The following FLT3 variants were observed in gnomAD, a reference collection of about 807,000 sequenced individuals.
The protein encoded by FLT3 is receptor-type tyrosine-protein kinase FLT3.
FLT3 carries 46 observed loss-of-function variants against 126.6 expected under a neutral mutation model. That is an observed-to-expected ratio of 0.36 (90% CI 0.29 to 0.46). The LOEUF (loss-of-function observed/expected upper bound fraction) is 0.46. Among genes scored for constraint, FLT3 ranks in the 20% least tolerant of loss-of-function variants. The pLI is 1.00. For missense variants in FLT3, 1,069 were observed against 1,190.3 expected (o/e 0.90, Z 1.50); for synonymous variants, 404 against 434.4 (o/e 0.93, Z 0.87).
chr13:28,076,999 C>A (rs111641619), intron 1 of FLT3, among the ~76,000 whole-genome samples: 9,741 of 124,330 alleles, frequency 0.078, 1,256 homozygotes, highest in African/African-American at 0.29. Flanking sequence ...AAGAGACAGA[C>A]AGAAAGGAAG....
rs755845031 is a variant in FLT3 at position 28,048,335 on chromosome 13, G to A, written c.1145C>T (p.Thr382Met). The change falls in exon 9 of 24, where the codon ACG becomes ATG. Residue 382 changes from threonine (T) to methionine (M), a missense_variant. By Grantham distance (81) the Thr-to-Met change is moderately conservative. Coordinates refer to ENST00000241453, the MANE Select transcript of FLT3 (RefSeq NM_004119.3). Reference protein sequence around the residue: ...RFKAYPQIRCTWTFSRKSFPC... With the variant: ...RFKAYPQIRCMWTFSRKSFPC... Reference sequence around the variant, plus strand: ...AAATGATTTTCGAGAGAAGGTCCACGTACATCTGATTTGTGGGTAGGCTTT... The same window carrying A: ...AAATGATTTTCGAGAGAAGGTCCACATACATCTGATTTGTGGGTAGGCTTT... 2.7e-5 allele frequency: 44 copies of A among 1,613,728 alleles called. 1 individual carries two copies. The highest frequency in any genetic ancestry group is 2.5e-4 in the Admixed American group (15 of 59,998).
At chr13:28,079,306 G>A (rs189235530) in intron 1 of FLT3, among the ~76,000 whole-genome samples, 2 of 152,192 alleles carry the variant, frequency 1.3e-5, no homozygotes, top group Non-Finnish European at 2.9e-5. Context: ...GACCACCTCG[G>A]CTTGGACCTT....
chr13:28,062,635 A>T (rs1933434), intron 2 of FLT3, among the ~76,000 whole-genome samples: 146,126 of 151,460 alleles, frequency 0.96, 70,602 homozygotes, highest in East Asian at 1. Context: ...TCCCAGCTCC[A>T]CGGGAGGCTG....
At chr13:28,029,647 A>T (rs1873139080) in intron 15 of FLT3, among the ~76,000 whole-genome samples, 1 of 152,234 alleles carries the variant, frequency 6.6e-6, no homozygotes, top group Non-Finnish European at 1.5e-5. Context: ...CAGTGTCGTG[A>T]GCATGGTTGA....
rs568561523 is a variant in FLT3 at position 28,070,380 on chromosome 13, A to G, written c.165+111T>C. 1.5e-4 allele frequency: 125 copies of G among 841,852 alleles called. No homozygotes were observed. The African/African-American group carries it at 1.7e-3, about 11-fold the overall frequency. 52.1% of individuals were successfully genotyped at this position (841,852 alleles called of 1,614,324 possible). A position where few individuals can be genotyped will look rare whatever the true frequency, so the allele number is the denominator to read the frequency against. On this transcript the variant is annotated intron_variant, in intron 2 of 23. Transcript: ENST00000241453. Reference sequence around the variant, plus strand: ...TTGGTACCAGATGTGAGGCCATAATATACTTAAATACATAAAGAGAAGCCC... The same window carrying G: ...TTGGTACCAGATGTGAGGCCATAATGTACTTAAATACATAAAGAGAAGCCC...
chr13:28,053,938 T>A (rs962996030), intron 4 of FLT3, among the ~76,000 whole-genome samples: 7 of 152,134 alleles, frequency 4.6e-5, no homozygotes, highest in Non-Finnish European at 1.0e-4. Context: ...AGCCTCAACC[T>A]CCCAGGCTCA....
intron 9 of FLT3, among the ~76,000 whole-genome samples, chr13:28,044,306 TG>T (rs1328534449): frequency 6.6e-6 from 1 of 150,960 alleles, no homozygotes; most frequent in African/African-American, 2.4e-5. Flanking sequence ...AAAAAATAGC[TG>T]GGCAGGGTGG....
chr13:28,023,455 T>C lies in FLT3; in HGVS notation c.2313A>G (p.Gln771=). Residue 771 remains glutamine (Q), a synonymous_variant, in exon 19 of 24, where the codon CAA becomes CAG. Transcript: ENST00000241453. ...HSEDEIEYEN[Q]KRLEEEEDLN... ...AGTCCTCCTCTTCTTCCAGCCTTTT[T>C]TGGTTTTCATATTCAATTTCATCTG... The C allele has an allele frequency of 6.2e-7, 1 of 1,614,020 alleles. No homozygotes were observed. Among genetic ancestry groups the C allele is most frequent in the Non-Finnish European group, 8.5e-7 (1 of 1,179,966 alleles).
intron 1 of FLT3, among the ~76,000 whole-genome samples, chr13:28,085,915 C>A (rs1429665200): frequency 1.3e-5 from 2 of 151,962 alleles, no homozygotes; most frequent in African/African-American, 4.8e-5. Context: ...GAGTTTGAGA[C>A]CAGTCTGGGT....
At chr13:28,077,837 T>C (rs946614387) in intron 1 of FLT3, among the ~76,000 whole-genome samples, 28 of 152,112 alleles carry the variant, frequency 1.8e-4, no homozygotes, top group African/African-American at 6.5e-4. Flanking sequence ...GGTACAGGCA[T>C]TGGGTAAATA....
intron 23 of FLT3, 51 bp from the exon 24 acceptor site, chr13:28,004,225 CAT>C (rs777797916): frequency 2.5e-5 from 39 of 1,574,714 alleles, no homozygotes; most frequent in African/African-American, 1.2e-4. Flanking sequence ...TGTAGATGCA[CAT>C]GTTATGCGCC....
rs1482823196 is a variant in FLT3, at chr13:28,100,417, G to T, written c.43+51C>A. 1.7e-6 allele frequency: 2 copies of T among 1,195,806 alleles called. No homozygotes were observed. The highest frequency in any genetic ancestry group is 2.1e-6 in the Non-Finnish European group (2 of 959,236). The allele number at this position is 1,195,806 out of a possible 1,614,324, so 74.1% of individuals were successfully genotyped here. A position where few individuals can be genotyped will look rare whatever the true frequency, so the allele number is the denominator to read the frequency against. On this transcript the variant is annotated intron_variant, in intron 1 of 23. Transcript: ENST00000241453. The surrounding 1 kb of genome is among the most constrained non-coding windows in gnomAD (Gnocchi z 4.8). ...CGCGCGCCCGGGTCCACACTGCGGG[G>T]TGGGGGCTGAGGGACCGCGAGGGGC...
intron 7 of FLT3, 46 bp downstream of exon 7, chr13:28,049,589 T>C (rs1002376886): frequency 1.3e-5 from 21 of 1,613,000 alleles, no homozygotes; most frequent in Non-Finnish European, 1.6e-5. Flanking sequence ...TCCAGACTAT[T>C]AGTTAATTGT....
chr13:28,071,423 T>C (rs1877510400), intron 1 of FLT3, among the ~76,000 whole-genome samples: 1 of 152,202 alleles, frequency 6.6e-6, no homozygotes, highest in African/African-American at 2.4e-5. Context: ...TCCATTGTGC[T>C]GGGTACTCAG....
chr13:28,033,152 C>CAAA (rs755989941), intron 15 of FLT3, among the ~76,000 whole-genome samples: 23,183 of 137,668 alleles, frequency 0.17, 1,980 homozygotes, highest in Admixed American at 0.23. Flanking sequence ...ACCGTATCTA[C>CAAA]AAAAAAAAAA....
At chr13:28,067,211 C>T (rs770792617) in intron 2 of FLT3, among the ~76,000 whole-genome samples, 8 of 152,252 alleles carry the variant, frequency 5.3e-5, no homozygotes, top group Admixed American at 2.6e-4. Flanking sequence ...TTAGCAGAGA[C>T]GGAATTTCTC....
chr13:28,053,076 T>C (rs1243721856), intron 4 of FLT3, among the ~76,000 whole-genome samples: 1 of 152,080 alleles, frequency 6.6e-6, no homozygotes, highest in Non-Finnish European at 1.5e-5. Flanking sequence ...TAGGCAGAAA[T>C]ATACTAAGAT....
At chr13:28,015,339 A>T (rs1871745980) in intron 21 of FLT3, 83 bp from the exon 22 acceptor site, 2 of 965,432 alleles carry the variant, frequency 2.1e-6, no homozygotes, top group Admixed American at 3.9e-5. Context: ...ACGTATTGAG[A>T]TCTGCCATGT....
intron 17 of FLT3, among the ~76,000 whole-genome samples, chr13:28,026,352 G>GAAAAAAA (rs5802460): frequency 2.5e-5 from 2 of 78,938 alleles, no homozygotes; most frequent in African/African-American, 4.8e-5. Flanking sequence ...AACTCTGTCT[G>GAAAAAAA]AAAAAAAAAA....
Sources: gnomAD v4.1 joint callset for allele counts (sites outside exome capture counted in the v4.1 genomes callset) on GRCh38, gnomAD v4.1.1 for gene constraint, Gnocchi (gnomAD v3.1) non-coding constraint, MANE v1.5 for transcripts, NCBI Gene and HGNC (gene_info 2026-07-23, HGNC 2026-07-21) for gene names.